Variants in GRID1 observed in about 807,000 individuals in gnomAD.
The protein encoded by GRID1 is glutamate receptor ionotropic, delta-1.
GRID1 carries 28 observed loss-of-function variants against 98.0 expected under a neutral mutation model. That is an observed-to-expected ratio of 0.29 (90% confidence interval 0.21 to 0.39). GRID1 has a LOEUF of 0.39. Among genes scored for constraint, GRID1 ranks in the 10% least tolerant of loss-of-function variants. The pLI is 1.00. For synonymous variants in GRID1, 553 were observed against 538.5 expected (o/e 1.03, Z -0.37); for missense variants, 1,111 against 1,340.5 (o/e 0.83, Z 2.67).
chr10:86,320,502 G>A (rs534540322), intron 2 of GRID1, among the ~76,000 whole-genome samples: 4 of 152,172 alleles, frequency 2.6e-5, no homozygotes, highest in Non-Finnish European at 5.9e-5. Context: ...AGGAGAGAAA[G>A]GAGAATGGTG....
chr10:85,606,095 C>T (rs1216474794), intron 15 of GRID1: 2 of 152,190 alleles, frequency 1.3e-5, no homozygotes, highest in African/African-American at 4.8e-5. Context: ...GTGGAGATAA[C>T]TAGTTCTCTG....
intron 2 of GRID1, among the ~76,000 whole-genome samples, chr10:86,307,360 TA>T (rs1475506998): frequency 2.0e-5 from 3 of 152,162 alleles, no homozygotes; most frequent in Admixed American, 6.5e-5. Context: ...AATTCAGCCT[TA>T]AAAAAGAATT....
chr10:85,681,988 T>A (rs1227268764), intron 12 of GRID1, among the ~76,000 whole-genome samples: 1 of 151,742 alleles, frequency 6.6e-6, no homozygotes, highest in Non-Finnish European at 1.5e-5. Context: ...GTCCCACCCC[T>A]CATGTCTTGG....
At chr10:85,911,864 C>G (rs1841543962) in intron 5 of GRID1, among the ~76,000 whole-genome samples, 1 of 152,174 alleles carries the variant, frequency 6.6e-6, no homozygotes, top group Non-Finnish European at 1.5e-5. Context: ...AAACATTTTA[C>G]CTCAGCTGCT....
intron 2 of GRID1, among the ~76,000 whole-genome samples, chr10:86,253,281 G>C (rs1846865627): frequency 6.6e-6 from 1 of 152,230 alleles, no homozygotes; most frequent in African/African-American, 2.4e-5. Flanking sequence ...GCCTGCTCTT[G>C]GGAGAACTGT....
chr10:86,331,053 C>T (rs1848133732), intron 2 of GRID1, among the ~76,000 whole-genome samples: 2 of 152,252 alleles, frequency 1.3e-5, no homozygotes, highest in African/African-American at 2.4e-5. Flanking sequence ...AGGGTCCCAC[C>T]ATAAACAATC....
chr10:85,662,814 G>A (rs987905444), intron 12 of GRID1, among the ~76,000 whole-genome samples: 2 of 152,146 alleles, frequency 1.3e-5, no homozygotes, highest in African/African-American at 4.8e-5. Flanking sequence ...AAGCTGTCTG[G>A]ACAAGCCGTT....
At chr10:85,710,765 G>A (rs1262039979) in intron 12 of GRID1, among the ~76,000 whole-genome samples, 6 of 151,852 alleles carry the variant, frequency 4.0e-5, no homozygotes, top group African/African-American at 1.5e-4. Context: ...TAATAACAAA[G>A]AAAACCCATA....
chr10:86,187,900 C>T (rs1333193469), intron 3 of GRID1, among the ~76,000 whole-genome samples: 1 of 152,200 alleles, frequency 6.6e-6, no homozygotes, highest in Admixed American at 6.5e-5. Context: ...CAGGGACCAC[C>T]CCCAGCCCTG....
chr10:85,682,030 G>T (rs939495524), intron 12 of GRID1, among the ~76,000 whole-genome samples: 3 of 152,008 alleles, frequency 2.0e-5, no homozygotes, highest in African/African-American at 7.3e-5. Flanking sequence ...GCAGCAGACA[G>T]CAACAGATCC....
At chr10:86,175,713 A>AT (rs113330156) in intron 3 of GRID1, among the ~76,000 whole-genome samples, 15,177 of 145,902 alleles carry the variant, frequency 0.1, 836 homozygotes, top group Admixed American at 0.16. Context: ...ATGAGTCACT[A>AT]TTTTTTTTTT....
At chr10:85,651,066 T>A (rs532905061) in intron 12 of GRID1, among the ~76,000 whole-genome samples, 2 of 152,216 alleles carry the variant, frequency 1.3e-5, no homozygotes, top group Non-Finnish European at 2.9e-5. Flanking sequence ...CTCAGCAGTC[T>A]ATGTTTCCAC....
At chr10:86,284,050 A>G (rs918903431) in intron 2 of GRID1, among the ~76,000 whole-genome samples, 3 of 148,652 alleles carry the variant, frequency 2.0e-5, no homozygotes, top group Non-Finnish European at 4.5e-5. Flanking sequence ...CCTCATACAC[A>G]CACCTGCATA....
At chr10:86,130,929 G>A (rs927478695) in intron 4 of GRID1, among the ~76,000 whole-genome samples, 2 of 152,090 alleles carry the variant, frequency 1.3e-5, no homozygotes, top group African/African-American at 4.8e-5. Context: ...GCACCTGCCC[G>A]TCTGCGTGCC....
At chr10:86,352,692 A>G (rs1445606555) in intron 2 of GRID1, among the ~76,000 whole-genome samples, 1 of 152,128 alleles carries the variant, frequency 6.6e-6, no homozygotes, top group Non-Finnish European at 1.5e-5. Flanking sequence ...GGGCTTTGAC[A>G]TCATATTAGG....
At chr10:85,902,968 T>TC (rs1297941587) in intron 5 of GRID1, among the ~76,000 whole-genome samples, 1 of 152,164 alleles carries the variant, frequency 6.6e-6, no homozygotes, top group Non-Finnish European at 1.5e-5. Context: ...TTTCTCCTCC[T>TC]TTCTCTGGCT....
At chr10:85,894,121 A>G (rs553042935) in intron 5 of GRID1, among the ~76,000 whole-genome samples, 405 of 152,324 alleles carry the variant, frequency 2.7e-3, no homozygotes, top group African/African-American at 9.0e-3. Context: ...CAATCCTTCC[A>G]CCAGTCAATG....
intron 8 of GRID1, among the ~76,000 whole-genome samples, chr10:85,826,282 C>G (rs1157612051): frequency 6.6e-6 from 1 of 152,198 alleles, no homozygotes; most frequent in Non-Finnish European, 1.5e-5. Context: ...TTGCGGTGAG[C>G]CGAGATCGCG....
chr10:86,237,293 C>G (rs1846554285), intron 2 of GRID1, among the ~76,000 whole-genome samples: 1 of 152,168 alleles, frequency 6.6e-6, no homozygotes, highest in Admixed American at 6.6e-5. Flanking sequence ...ATTGTAATCC[C>G]CCCAGTGTTG....
Sources: allele counts gnomAD v4.1 joint callset (sites outside exome capture counted in the v4.1 genomes callset), GRCh38; gene constraint gnomAD v4.1.1; transcripts MANE v1.5; gene names NCBI Gene and HGNC (gene_info 2026-07-23, HGNC 2026-07-21).